TENM3: variants seen among roughly 807,000 people sequenced by gnomAD.
TENM3 encodes the protein teneurin-3.
TENM3 carries 63 observed loss-of-function variants against 255.1 expected under a neutral mutation model. The observed-to-expected ratio is 0.25, with a 90% CI of 0.20 to 0.30. The LOEUF is 0.30. TENM3 is among the 10% of genes least tolerant of loss of function. The pLI is 1.00. For missense variants in TENM3, 2,929 were observed against 3,461.1 expected, an observed-to-expected ratio of 0.85 and a Z score of 3.86; for synonymous variants, 1,306 against 1,322.3, an observed-to-expected ratio of 0.99 and a Z score of 0.27.
chr4:181,857,551 CAAAAAAAAAAAAA>C, the TENM3 span, among the ~76,000 whole-genome samples: 1 of 104,800 alleles, frequency 9.5e-6, no homozygotes, highest in African/African-American at 4.9e-5. Context: ...CCTGTCTCTA[CAAAAAAAAAAAAA>C]AAAAAAAAAA....
intron 3 of TENM3, among the ~76,000 whole-genome samples, chr4:182,394,035 G>A (rs781759871): frequency 3.9e-5 from 6 of 152,128 alleles, no homozygotes; most frequent in Non-Finnish European, 5.9e-5. Context: ...TGGGGAGCAC[G>A]TGGTGATTCA....
the TENM3 span, among the ~76,000 whole-genome samples, chr4:181,921,437 A>G: frequency 6.6e-6 from 1 of 152,186 alleles, no homozygotes; most frequent in Non-Finnish European, 1.5e-5. Context: ...TTCTCCTTGA[A>G]GAGCTCCTTC....
At chr4:181,523,419 TAA>T in the TENM3 span, among the ~76,000 whole-genome samples, 40 of 144,472 alleles carry the variant, frequency 2.8e-4, no homozygotes, top group African/African-American at 9.0e-4. Context: ...ATTTTAAAAT[TAA>T]AAAAAAAAAA....
the TENM3 span, among the ~76,000 whole-genome samples, chr4:181,485,163 G>A: frequency 7.2e-5 from 11 of 152,176 alleles, no homozygotes; most frequent in South Asian, 4.1e-4. Context: ...ATTTTAAACG[G>A]TAGTCACTGA....
chr4:181,753,857 C>G, the TENM3 span, among the ~76,000 whole-genome samples: 1 of 152,086 alleles, frequency 6.6e-6, no homozygotes, highest in Non-Finnish European at 1.5e-5. Flanking sequence ...GTACTAGGTA[C>G]AGAGGAGGGA....
At chr4:181,897,209 C>T in the TENM3 span, among the ~76,000 whole-genome samples, 1 of 152,314 alleles carries the variant, frequency 6.6e-6, no homozygotes, top group African/African-American at 2.4e-5. Context: ...TTATTCAGCA[C>T]ATAAATTCAG....
chr4:182,785,545 T>G (rs969725090), intron 24 of TENM3, among the ~76,000 whole-genome samples: 1 of 151,010 alleles, frequency 6.6e-6, no homozygotes, highest in Admixed American at 6.6e-5. Context: ...CTGTCTCTAC[T>G]AAAAATACAA....
the TENM3 span, among the ~76,000 whole-genome samples, chr4:181,965,744 A>T: frequency 6.6e-6 from 1 of 152,136 alleles, no homozygotes; most frequent in Non-Finnish European, 1.5e-5. Context: ...TTCTATATTA[A>T]TCTCCATCCC....
intron 3 of TENM3, among the ~76,000 whole-genome samples, chr4:182,380,160 A>G (rs1243707463): frequency 6.6e-6 from 1 of 152,012 alleles, no homozygotes; most frequent in Non-Finnish European, 1.5e-5. Flanking sequence ...AATCCCGGCT[A>G]CTCTCGAGGC....
At chr4:181,481,542 A>C in the TENM3 span, among the ~76,000 whole-genome samples, 1 of 152,182 alleles carries the variant, frequency 6.6e-6, no homozygotes, top group East Asian at 1.9e-4. Flanking sequence ...CAATCCTAGG[A>C]AATAGTTATT....
At chr4:181,772,418 T>C in the TENM3 span, among the ~76,000 whole-genome samples, 3 of 151,940 alleles carry the variant, frequency 2.0e-5, no homozygotes, top group East Asian at 5.8e-4. Context: ...AAAATAGAAA[T>C]CATTTTTAAA....
At chr4:181,503,446 C>T in the TENM3 span, among the ~76,000 whole-genome samples, 3 of 152,098 alleles carry the variant, frequency 2.0e-5, no homozygotes, top group Non-Finnish European at 4.4e-5. Context: ...TCTGCTTTCC[C>T]CCATTTTTAT....
At chr4:181,700,472 G>A in the TENM3 span, among the ~76,000 whole-genome samples, 1 of 152,094 alleles carries the variant, frequency 6.6e-6, no homozygotes, top group African/African-American at 2.4e-5. Context: ...TTAAGCATAG[G>A]CTTTGGATTT....
chr4:182,106,330 G>A, the TENM3 span, among the ~76,000 whole-genome samples: 2 of 152,006 alleles, frequency 1.3e-5, no homozygotes, highest in African/African-American at 4.8e-5. Flanking sequence ...GTGTGGTAGC[G>A]CACGCCTGTA....
At chr4:181,899,320 C>CTTA in the TENM3 span, among the ~76,000 whole-genome samples, 4 of 151,776 alleles carry the variant, frequency 2.6e-5, no homozygotes, top group African/African-American at 9.7e-5. Context: ...TCTTTTTATC[C>CTTA]TTAAGACTTA....
At chr4:182,791,474 GAAAT>G (rs1307883196) in intron 25 of TENM3, among the ~76,000 whole-genome samples, 1 of 152,194 alleles carries the variant, frequency 6.6e-6, no homozygotes, top group East Asian at 1.9e-4. Flanking sequence ...AGTGGCTCAT[GAAAT>G]AGAGTTCACT....
the TENM3 span, among the ~76,000 whole-genome samples, chr4:181,718,932 C>T: frequency 5.3e-5 from 8 of 152,252 alleles, no homozygotes; most frequent in South Asian, 2.1e-4. Context: ...ATGGGCCGGG[C>T]GCGGCGGCTC....
chr4:182,502,650 A>G (rs1736429419), intron 3 of TENM3, among the ~76,000 whole-genome samples: 1 of 152,016 alleles, frequency 6.6e-6, no homozygotes, highest in African/African-American at 2.4e-5. Flanking sequence ...CTGGTTTTGT[A>G]CTTGGATACC....
the TENM3 span, among the ~76,000 whole-genome samples, chr4:181,845,056 A>C: frequency 3.9e-5 from 6 of 152,208 alleles, no homozygotes; most frequent in African/African-American, 1.4e-4. Flanking sequence ...TGTGATATTT[A>C]AGTATTGGGG....
Sources: gnomAD v4.1 joint callset for allele counts (sites outside exome capture counted in the v4.1 genomes callset) on GRCh38, gnomAD v4.1.1 for gene constraint, MANE v1.5 for transcripts, NCBI Gene and HGNC (gene_info 2026-07-23, HGNC 2026-07-21) for gene names.